ANKRD63: variants seen among roughly 807,000 people sequenced by gnomAD.
ANKRD63 encodes the protein ankyrin repeat domain-containing protein 63.
ANKRD63 carries 18 observed loss-of-function variants against 21.2 expected under a neutral mutation model. That is an observed-to-expected ratio of 0.85 (90% CI 0.59 to 1.26). The LOEUF is 1.26. Ranked by LOEUF, ANKRD63 falls within the 50% of genes most tolerant of loss-of-function variation. The probability of loss-of-function intolerance (pLI) is 0.00; values close to 1 mark genes in which losing one functional copy is unlikely to be tolerated. For synonymous variants in ANKRD63, 322 were observed against 273.3 expected (o/e 1.18, Z -1.76); for missense variants, 523 against 570.9 (o/e 0.92, Z 0.85).
chr15:40,281,741 G>A lies in ANKRD63; in HGVS notation c.846C>T (p.Asn282=), dbSNP rs2039545602. Residue 282 remains asparagine, a synonymous_variant, in exon 1 of 1, where the codon AAC becomes AAT. Coordinates refer to ENST00000434396, the MANE Select transcript of ANKRD63 (RefSeq NM_001190479.3). ...GCCCAGTCCCCGAAGACTGGGGCGA[G>A]TTTGGTAGGGCCATCAGGGCCCCAG... ...LRAGALMALP[N]SPQSSGTGRW... 3 of 1,535,188 alleles carry A rather than the reference G, an allele frequency of 2.0e-6. No individual in the cohort carries two copies. The highest frequency in any genetic ancestry group is 2.6e-6 in the Non-Finnish European group (3 of 1,146,578).
chr15:40,279,943 G>C lies in ANKRD63; in HGVS notation c.*1501C>G, dbSNP rs575438289. On this transcript the variant is annotated 3_prime_UTR_variant, in exon 1 of 1. Coordinates refer to ENST00000434396, the MANE Select transcript of ANKRD63 (RefSeq NM_001190479.3). Reference sequence around the variant, plus strand: ...GCTTCCGCAAGGTCCTAGCGCACCCGTCCCGCCGGACCCCCGCCCCCAACC... The same window carrying C: ...GCTTCCGCAAGGTCCTAGCGCACCCCTCCCGCCGGACCCCCGCCCCCAACC... 6.6e-6 allele frequency among the ~76,000 whole-genome samples: 1 copy of C among 152,174 alleles called. No homozygotes were observed. Among genetic ancestry groups the C allele is most frequent in the Non-Finnish European group, 1.5e-5 (1 of 68,022 alleles).
rs1458807223 is a variant in ANKRD63 at position 40,278,840 on chromosome 15, G to A, written c.*2604C>T. 6.6e-6 allele frequency among the ~76,000 whole-genome samples: 1 copy of A among 152,140 alleles called. No homozygotes were observed. Among genetic ancestry groups the A allele is most frequent in the Non-Finnish European group, 1.5e-5 (1 of 68,034 alleles). On this transcript the variant is annotated 3_prime_UTR_variant, in exon 1 of 1. Coordinates refer to ENST00000434396, the MANE Select transcript of ANKRD63 (RefSeq NM_001190479.3). The stretch of plus-strand genomic sequence containing the variant: ...AGCTCCACAGAGAAGAGCCCTCATG[G>A]TTGTTTATCCAGTCAAGAGGGCCCA...
rs1249850569 is a variant in ANKRD63 at position 40,281,321 on chromosome 15, A to AG, written c.*122dup. ...TGGTGGAGGTCTCGCCTTGGCAGGG[A>AG]GGCAGGTTCCAAAATGGACTGCGGG... On this transcript the variant is annotated 3_prime_UTR_variant, in exon 1 of 1. Coordinates refer to ENST00000434396, the MANE Select transcript of ANKRD63 (RefSeq NM_001190479.3). 2 of 761,802 alleles carry AG rather than the reference A, an allele frequency of 2.6e-6. No individual in the cohort carries two copies. Among genetic ancestry groups the AG allele is most frequent in the Non-Finnish European group, 1.9e-6 (1 of 533,472 alleles). 47.2% of individuals were successfully genotyped at this position (761,802 alleles called of 1,614,324 possible).
Position 40,281,410 on chromosome 15 carries a change from G to T in ANKRD63, c.*34C>A, listed in dbSNP as rs1256378465. The stretch of plus-strand genomic sequence containing the variant: ...AATACCAGTGGAGTAGAAACGGGAG[G>T]GTAGGGGAAGCAGGCCTCGGGCCTT... On this transcript the variant is annotated 3_prime_UTR_variant, in exon 1 of 1. Coordinates refer to ENST00000434396, the MANE Select transcript of ANKRD63 (RefSeq NM_001190479.3). 8 of 1,359,950 alleles carry T rather than the reference G, an allele frequency of 5.9e-6. No individual in the cohort carries two copies. Among genetic ancestry groups the T allele is most frequent in the Non-Finnish European group, 7.6e-6 (8 of 1,058,942 alleles). The allele number at this position is 1,359,950 out of a possible 1,614,324, so 84.2% of individuals were successfully genotyped here.
Position 40,282,244 on chromosome 15 carries a change from A to C in ANKRD63, c.343T>G (p.Ser115Ala), listed in dbSNP as rs2039553784. The C allele has an allele frequency of 2.6e-6, 4 of 1,519,188 alleles. No homozygotes were observed. In the East Asian group the frequency reaches 1.0e-4, roughly 39 times the overall value. 94.1% of individuals were successfully genotyped at this position (1,519,188 alleles called of 1,614,324 possible). The change falls in exon 1 of 1, where the codon TCT becomes GCT. Residue 115 changes from serine to alanine, a missense_variant. Physicochemically the swap from Ser to Ala is moderately conservative, Grantham distance 99 (BLOSUM62 1). Coordinates refer to ENST00000434396, the MANE Select transcript of ANKRD63 (RefSeq NM_001190479.3). ...QFSGDPEAAD[S>A]AGNSPVMWAA... is the part of the protein sequence containing the mutation. Reference sequence around the variant, plus strand: ...CACATCACCGGGCTGTTGCCCGCAGAGTCGGCCGCCTCGGGGTCACCGCTG... The same window carrying C: ...CACATCACCGGGCTGTTGCCCGCAGCGTCGGCCGCCTCGGGGTCACCGCTG...
At position 40,281,417 on chromosome 15, in the gene ANKRD63, G is replaced by A; in HGVS notation, c.*27C>T. The stretch of plus-strand genomic sequence containing the variant: ...GTGGAGTAGAAACGGGAGGGTAGGG[G>A]AAGCAGGCCTCGGGCCTTGGCGCCG... On this transcript the variant is annotated 3_prime_UTR_variant, in exon 1 of 1. Coordinates refer to ENST00000434396, the MANE Select transcript of ANKRD63 (RefSeq NM_001190479.3). The A allele has an allele frequency of 7.3e-7, 1 of 1,364,836 alleles. No individual in the cohort carries two copies. The highest frequency in any genetic ancestry group is 9.4e-7 in the Non-Finnish European group (1 of 1,062,498). The allele number at this position is 1,364,836 out of a possible 1,614,324, so 84.5% of individuals were successfully genotyped here.
At position 40,281,493 on chromosome 15, in the gene ANKRD63, T is replaced by G; in HGVS notation, c.1094A>C (p.Asn365Thr). The G allele has an allele frequency of 6.9e-7, 1 of 1,455,256 alleles. No homozygotes were observed. The highest frequency in any genetic ancestry group is 9.0e-7 in the Non-Finnish European group (1 of 1,108,270). The allele number at this position is 1,455,256 out of a possible 1,614,324, so 90.1% of individuals were successfully genotyped here. A position where few individuals can be genotyped will look rare whatever the true frequency, so the allele number is the denominator to read the frequency against. Residue 365 changes from asparagine (N) to threonine (T), a missense_variant, in exon 1 of 1, where the codon AAC (asparagine) becomes ACC (threonine). Transcript: ENST00000434396. Reference protein sequence around the residue: ...NALSVSVPGPNPWQAGTEAVV... With the variant: ...NALSVSVPGPTPWQAGTEAVV... ...AGCCTCGGTGCCCGCCTGCCAAGGG[T>G]TCGGCCCAGGCACCGAGACAGACAG...
In ANKRD63 at chr15:40,282,580, T is replaced by C; in HGVS notation, c.7A>G (p.Lys3Glu). The C allele has an allele frequency of 7.1e-7, 1 of 1,411,922 alleles. No homozygotes were observed. The highest frequency in any genetic ancestry group is 9.2e-7 in the Non-Finnish European group (1 of 1,087,730). 87.5% of individuals were successfully genotyped at this position (1,411,922 alleles called of 1,614,324 possible). A position where few individuals can be genotyped will look rare whatever the true frequency, so the allele number is the denominator to read the frequency against. The change falls in exon 1 of 1, where the codon AAA (lysine) becomes GAA (glutamate). Residue 3 changes from lysine to glutamate, a missense_variant. Coordinates refer to ENST00000434396, the MANE Select transcript of ANKRD63 (RefSeq NM_001190479.3). MLKPKDLCPRAGT... is the reference protein window; with the variant it reads MLEPKDLCPRAGT... ...GCTCGGGGGCACAGGTCCTTGGGTT[T>C]GAGCATGGCCCCGGCCGCCGCGCCC...
Position 40,282,417 on chromosome 15 carries a change from A to G in ANKRD63, c.170T>C (p.Leu57Pro). 1.3e-6 allele frequency: 2 copies of G among 1,506,306 alleles called. No homozygotes were observed. The highest frequency in any genetic ancestry group is 2.2e-5 in the Admixed American group (1 of 46,020). The allele number at this position is 1,506,306 out of a possible 1,614,324, so 93.3% of individuals were successfully genotyped here. A position where few individuals can be genotyped will look rare whatever the true frequency, so the allele number is the denominator to read the frequency against. ...GRTPLMVAVG[L>P]PDPALRARFV... ...GCGCGCGCGCAGCGCGGGGTCCGGC[A>G]GCCCCACGGCCACCATGAGCGGCGT... is the stretch of plus-strand genomic sequence containing the variant. Residue 57 changes from leucine to proline, a missense_variant, in exon 1 of 1, where the codon CTG becomes CCG. By Grantham distance (98) the Leu-to-Pro change is moderately conservative. This residue lies in a region of ANKRD63 where 215 missense variants were observed against 280.4 expected (regional missense o/e 0.77). Coordinates refer to ENST00000434396, the MANE Select transcript of ANKRD63 (RefSeq NM_001190479.3).
rs1195099983 is a variant in ANKRD63 at position 40,281,678 on chromosome 15, T to G, written c.909A>C (p.Pro303=). 1 of 1,530,618 alleles carries G rather than the reference T, an allele frequency of 6.5e-7. No homozygotes were observed. The highest frequency in any genetic ancestry group is 1.4e-5 in the African/African-American group (1 of 72,850). The allele number at this position is 1,530,618 out of a possible 1,614,324, so 94.8% of individuals were successfully genotyped here. Residue 303 remains proline (P), a synonymous_variant, in exon 1 of 1, where the codon CCA becomes CCC. Coordinates refer to ENST00000434396, the MANE Select transcript of ANKRD63 (RefSeq NM_001190479.3). The part of the protein sequence containing the change: ...RSQEVLEGAP[P]TLAQAPIGLS... ...GGCCAATGGGGGCTTGCGCTAAGGT[T>G]GGGGGCGCTCCCTCCAGCACCTCCT... is the stretch of plus-strand genomic sequence containing the variant.
At position 40,280,659 on chromosome 15, in the gene ANKRD63, G is replaced by A. The variant is rs2039531178; in HGVS notation, c.*785C>T. Reference sequence around the variant, plus strand: ...TCGATGATGGAATTCAAATGCATCTGAGCTGAAGAGCGGGCTGGCTCTGGA... The same window carrying A: ...TCGATGATGGAATTCAAATGCATCTAAGCTGAAGAGCGGGCTGGCTCTGGA... On this transcript the variant is annotated 3_prime_UTR_variant, in exon 1 of 1. Coordinates refer to ENST00000434396, the MANE Select transcript of ANKRD63 (RefSeq NM_001190479.3). Among the ~76,000 whole-genome samples the A allele has an allele frequency of 6.6e-6, 1 of 152,246 alleles. No individual in the cohort carries two copies. Among genetic ancestry groups the A allele is most frequent in the Admixed American group, 6.5e-5 (1 of 15,290 alleles).
In ANKRD63 at chr15:40,278,694, G is replaced by A. The variant is rs187115943; in HGVS notation, c.*2750C>T. Among the ~76,000 whole-genome samples the A allele has an allele frequency of 2.6e-5, 4 of 152,298 alleles. No homozygotes were observed. Among genetic ancestry groups the A allele is most frequent in the Middle Eastern group, 3.4e-3 (1 of 294 alleles). On this transcript the variant is annotated 3_prime_UTR_variant, in exon 1 of 1. Transcript: ENST00000434396. ...AAACATGGAAGTTCTGCACAGAGCC[G>A]GGCCTGGGAAGGAGTCTGTATGTAT...
At position 40,281,929 on chromosome 15, in the gene ANKRD63, C is replaced by T. The variant is rs1257480201; in HGVS notation, c.658G>A (p.Ala220Thr). ...SPRRLPRPLL[A>T]RFARAAGGHG... ...CCGCCCGCCGCTCGCGCAAAGCGCG[C>T]CAGGAGAGGCCGCGGGAGGCGGCGG... is the stretch of plus-strand genomic sequence containing the variant. The change falls in exon 1 of 1, where the codon GCG becomes ACG. Residue 220 changes from alanine (A) to threonine (T), a missense_variant. This residue lies in a region of ANKRD63 where 308 missense variants were observed against 290.4 expected (regional missense o/e 1.06). Coordinates refer to ENST00000434396, the MANE Select transcript of ANKRD63 (RefSeq NM_001190479.3). The T allele has an allele frequency of 3.7e-6, 5 of 1,339,782 alleles. No individual in the cohort carries two copies. The highest frequency in any genetic ancestry group is 4.8e-6 in the Non-Finnish European group (5 of 1,051,892). 83.0% of individuals were successfully genotyped at this position (1,339,782 alleles called of 1,614,324 possible).
At position 40,282,391 on chromosome 15, in the gene ANKRD63, AGCGCGCGCGC is replaced by A; in HGVS notation, c.186_195del (p.Arg63SerfsTer12). On this transcript the variant is annotated frameshift_variant, in exon 1 of 1. Transcript: ENST00000434396. LOFTEE classifies it high-confidence loss of function. ...CCCTGCTCGAGCAGCAGCCGCACGA[AGCGCGCGCGC>A]AGCGCGGGGTCCGGCAGCCCCACGG... The A allele has an allele frequency of 6.7e-7, 1 of 1,499,630 alleles. No individual in the cohort carries two copies. The highest frequency in any genetic ancestry group is 8.8e-7 in the Non-Finnish European group (1 of 1,133,654). The allele number at this position is 1,499,630 out of a possible 1,614,324, so 92.9% of individuals were successfully genotyped here. A position where few individuals can be genotyped will look rare whatever the true frequency, so the allele number is the denominator to read the frequency against.
In ANKRD63 at chr15:40,279,721, C is replaced by A. The variant is rs1331105538; in HGVS notation, c.*1723G>T. 1.3e-5 allele frequency among the ~76,000 whole-genome samples: 2 copies of A among 152,242 alleles called. No individual in the cohort carries two copies. Among genetic ancestry groups the A allele is most frequent in the Non-Finnish European group, 2.9e-5 (2 of 68,040 alleles). On this transcript the variant is annotated 3_prime_UTR_variant, in exon 1 of 1. Coordinates refer to ENST00000434396, the MANE Select transcript of ANKRD63 (RefSeq NM_001190479.3). ...CTCACCGCCAGGCCCAGCAGTATCTCGGCACATTCTCGCTCTGGGCAGTTC... is the reference window on the plus strand; with the variant it reads ...CTCACCGCCAGGCCCAGCAGTATCTAGGCACATTCTCGCTCTGGGCAGTTC...
rs2039552442 is a variant in ANKRD63 at position 40,282,193 on chromosome 15, C to T, written c.394G>A (p.Val132Met). The T allele has an allele frequency of 1.3e-6, 2 of 1,501,848 alleles. No individual in the cohort carries two copies. Among genetic ancestry groups the T allele is most frequent in the Non-Finnish European group, 1.8e-6 (2 of 1,133,902 alleles). 93.0% of individuals were successfully genotyped at this position (1,501,848 alleles called of 1,614,324 possible). A position where few individuals can be genotyped will look rare whatever the true frequency, so the allele number is the denominator to read the frequency against. Residue 132 changes from valine to methionine, a missense_variant, in exon 1 of 1, where the codon GTG becomes ATG. By Grantham distance (21) the Val-to-Met change is conservative. Transcript: ENST00000434396. The part of the protein sequence containing the change: ...MWAAACGHGA[V>M]LEFLVRSFRR... ...AAGGACCGCACCAGGAACTCGAGCA[C>T]CGCCCCGTGGCCGCAGGCCGCCGCC...
Position 40,282,124 on chromosome 15 carries a change from G to A in ANKRD63, c.463C>T (p.Leu155Phe). 1.4e-6 allele frequency: 2 copies of A among 1,451,972 alleles called. No individual in the cohort carries two copies. The highest frequency in any genetic ancestry group is 9.0e-7 in the Non-Finnish European group (1 of 1,111,788). The allele number at this position is 1,451,972 out of a possible 1,614,324, so 89.9% of individuals were successfully genotyped here. The change falls in exon 1 of 1, where the codon CTC becomes TTC. Residue 155 changes from leucine (L) to phenylalanine (F), a missense_variant. Physicochemically the swap from Leu to Phe is conservative, Grantham distance 22. This residue lies in a region of ANKRD63 where 215 missense variants were observed against 280.4 expected (regional missense o/e 0.77). Coordinates refer to ENST00000434396, the MANE Select transcript of ANKRD63 (RefSeq NM_001190479.3). ...LRLDRTNRAG[L>F]TALQLAAARG... ...GCGGCGGCCAGTTGCAGCGCGGTGA[G>A]CCCCGCACGGTTGGTGCGGTCGAGG...
chr15:40,281,759 G>C lies in ANKRD63; in HGVS notation c.828C>G (p.Ala276=), dbSNP rs1566862844. 2.6e-6 allele frequency: 4 copies of C among 1,535,152 alleles called. No individual in the cohort carries two copies. Among genetic ancestry groups the C allele is most frequent in the Non-Finnish European group, 3.5e-6 (4 of 1,146,568 alleles). ...EEEAARLRAG[A]LMALPNSPQS... is the part of the protein sequence containing the mutation. ...GGGGCGAGTTTGGTAGGGCCATCAG[G>C]GCCCCAGCCCGCAGGCGGGCAGCCT... Residue 276 remains alanine, a synonymous_variant, in exon 1 of 1, where the codon GCC becomes GCG. Transcript: ENST00000434396.
rs113563765 is a variant in ANKRD63, at chr15:40,278,652, G to C, written c.*2792C>G. On this transcript the variant is annotated 3_prime_UTR_variant, in exon 1 of 1. Coordinates refer to ENST00000434396, the MANE Select transcript of ANKRD63 (RefSeq NM_001190479.3). ...CCTGGGGCTGACAAAGGGAGTTCAG[G>C]AGAGAAAAATGTGGTAAAACATGGA... Among the ~76,000 whole-genome samples the C allele has an allele frequency of 0.019, 2,866 of 152,304 alleles. 105 individuals carry two copies. The highest frequency in any genetic ancestry group is 0.067 in the African/African-American group (2,768 of 41,544).
Sources: gnomAD v4.1 joint callset for allele counts (sites outside exome capture counted in the v4.1 genomes callset) on GRCh38, gnomAD v4.1.1 for gene constraint, gnomAD v4.1.1 regional missense constraint, MANE v1.5 for transcripts, NCBI Gene and HGNC (gene_info 2026-07-23, HGNC 2026-07-21) for gene names.